Variants in ADGRL3 observed in about 807,000 individuals in gnomAD.
ADGRL3 encodes the protein calcium-independent alpha-latrotoxin receptor 3.
In ADGRL3, 62 loss-of-function variants were observed where a neutral mutation model predicts 153.5. That is an observed-to-expected ratio of 0.40 (90% CI 0.33 to 0.50). The LOEUF is 0.50. Among genes scored for constraint, ADGRL3 ranks in the 20% least tolerant of loss-of-function variants. The pLI, the probability that ADGRL3 is intolerant of heterozygous loss-of-function variation, is 0.47. For missense variants in ADGRL3, 1,641 were observed against 1,859.4 expected (o/e 0.88, Z 2.16); for synonymous variants, 710 against 672.5 (o/e 1.06, Z -0.86).
At chr4:61,514,077 T>C (rs1471195950) in intron 3 of ADGRL3, among the ~76,000 whole-genome samples, 6 of 152,230 alleles carry the variant, frequency 3.9e-5, no homozygotes. Context: ...ATGTGAAAAC[T>C]ATCTTCAAAT....
At chr4:61,887,423 A>G (rs922629163) in intron 9 of ADGRL3, among the ~76,000 whole-genome samples, 21 of 152,140 alleles carry the variant, frequency 1.4e-4, no homozygotes, top group African/African-American at 5.1e-4. Flanking sequence ...TTTAGTTACT[A>G]CTTGTATGAT....
chr4:61,571,465 A>T (rs2098838531), intron 4 of ADGRL3, among the ~76,000 whole-genome samples: 1 of 152,152 alleles, frequency 6.6e-6, no homozygotes, highest in Non-Finnish European at 1.5e-5. Flanking sequence ...GTGAGCTATG[A>T]TTGCACCATG....
At chr4:61,690,159 A>G (rs1274983768) in intron 6 of ADGRL3, among the ~76,000 whole-genome samples, 1 of 152,154 alleles carries the variant, frequency 6.6e-6, no homozygotes, top group African/African-American at 2.4e-5. Flanking sequence ...AGTTGTCTGA[A>G]GTTGGCCAGA....
intron 6 of ADGRL3, among the ~76,000 whole-genome samples, chr4:61,694,224 G>T (rs1038822394): frequency 1.5e-5 from 1 of 65,318 alleles, no homozygotes; most frequent in Non-Finnish European, 3.1e-5. Flanking sequence ...TTTTTTAGAG[G>T]CAGGATCTTG....
chr4:61,582,187 T>A (rs1288026912), intron 4 of ADGRL3, among the ~76,000 whole-genome samples: 1 of 152,068 alleles, frequency 6.6e-6, no homozygotes, highest in African/African-American at 2.4e-5. Context: ...TTCTTTTAAT[T>A]TAATTTTATT....
chr4:61,994,176 C>T (rs1458713596), intron 19 of ADGRL3, among the ~76,000 whole-genome samples: 1 of 152,136 alleles, frequency 6.6e-6, no homozygotes, highest in Non-Finnish European at 1.5e-5. Flanking sequence ...GAGACAAAGC[C>T]TCACTCTGTT....
chr4:61,211,547 G>T (rs1487505999), intron 1 of ADGRL3: 1 of 152,178 alleles, frequency 6.6e-6, no homozygotes, highest in Non-Finnish European at 1.5e-5. Flanking sequence ...TATCTGAATA[G>T]TTATTTAATA....
At chr4:61,570,669 A>G (rs932436408) in intron 4 of ADGRL3, among the ~76,000 whole-genome samples, 2 of 152,194 alleles carry the variant, frequency 1.3e-5, no homozygotes, top group African/African-American at 2.4e-5. Flanking sequence ...ACAATCGGAA[A>G]TTAAGCTCCA....
At chr4:61,266,638 A>G (rs752494213) in intron 1 of ADGRL3, among the ~76,000 whole-genome samples, 2 of 151,832 alleles carry the variant, frequency 1.3e-5, no homozygotes, top group Non-Finnish European at 3.0e-5. Flanking sequence ...TAGCGATACA[A>G]ATTTAATGAC....
chr4:62,033,405 A>G (rs1723248084), intron 23 of ADGRL3, among the ~76,000 whole-genome samples: 1 of 151,780 alleles, frequency 6.6e-6, no homozygotes, highest in Non-Finnish European at 1.5e-5. Context: ...AATGTATTTA[A>G]AGAATAGGAG....
intron 4 of ADGRL3, among the ~76,000 whole-genome samples, chr4:61,560,105 C>A (rs1413133430): frequency 1.3e-5 from 2 of 152,074 alleles, no homozygotes; most frequent in Non-Finnish European, 2.9e-5. Flanking sequence ...ATTAAAGAGA[C>A]CCCTCTTTGC....
At chr4:61,398,339 GAAT>G (rs1223358245) in intron 2 of ADGRL3, among the ~76,000 whole-genome samples, 2 of 151,574 alleles carry the variant, frequency 1.3e-5, no homozygotes, top group Non-Finnish European at 3.0e-5. Context: ...CATGGAGTGA[GAAT>G]GATGAGCCTT....
chr4:61,207,197 CT>C (rs903787763), intron 1 of ADGRL3, among the ~76,000 whole-genome samples: 3 of 152,038 alleles, frequency 2.0e-5, no homozygotes, highest in Non-Finnish European at 4.4e-5. Flanking sequence ...TATCCCTCCC[CT>C]AGCCTCCACC....
At chr4:61,258,821 A>G (rs1187846271) in intron 1 of ADGRL3, among the ~76,000 whole-genome samples, 2 of 152,182 alleles carry the variant, frequency 1.3e-5, no homozygotes, top group African/African-American at 4.8e-5. Flanking sequence ...TCACTCATAT[A>G]TATCACAAAA....
intron 4 of ADGRL3, among the ~76,000 whole-genome samples, chr4:61,576,553 T>G (rs1209289315): frequency 6.7e-6 from 1 of 148,664 alleles, no homozygotes; most frequent in Non-Finnish European, 1.5e-5. Context: ...CAAGTAGAGA[T>G]TCACTGTCTT....
At chr4:61,747,802 C>T (rs1417085168) in intron 8 of ADGRL3, among the ~76,000 whole-genome samples, 8 of 151,332 alleles carry the variant, frequency 5.3e-5, no homozygotes, top group Non-Finnish European at 8.8e-5. Flanking sequence ...TGGCACAAGA[C>T]AGGGATGCCC....
chr4:61,953,275 A>G lies in ADGRL3; in HGVS notation c.2805+4999A>G, dbSNP rs562359635. ...AAAGGAAACAAAATTATATTGGAAA[A>G]TTTTGTTTGAGGAATTTAGAAAGAG... On this transcript the variant is annotated intron_variant, in intron 17 of 26. Transcript: ENST00000683033. Among the ~76,000 whole-genome samples the G allele has an allele frequency of 9.4e-4, 143 of 152,278 alleles. 1 individual carries two copies. The South Asian group carries it at 0.022, about 24-fold the overall frequency.
chr4:61,772,654 T>C (rs930685566), intron 8 of ADGRL3, among the ~76,000 whole-genome samples: 11 of 152,224 alleles, frequency 7.2e-5, no homozygotes, highest in African/African-American at 2.4e-4. Context: ...TAGCAAAGCC[T>C]ATTCATTCTG....
rs1561229474 is a variant in ADGRL3 at position 61,775,767 on chromosome 4, G to A, written c.1400-38042G>A. The A allele has an allele frequency of 6.6e-5, 54 of 819,236 alleles. 1 individual carries two copies. The South Asian group carries it at 7.2e-4, about 11-fold the overall frequency. The allele number at this position is 819,236 out of a possible 1,614,324, so 50.7% of individuals were successfully genotyped here. On this transcript the variant is annotated intron_variant, in intron 8 of 26. Coordinates refer to ENST00000683033, the MANE Select transcript of ADGRL3 (RefSeq NM_001387552.1). ...CATGAATTCCACGTGCTAGGCAATC[G>A]TGGATGAGGGCAGTCTTCAGCACCT...
Sources: gnomAD v4.1 joint callset for allele counts (sites outside exome capture counted in the v4.1 genomes callset) on GRCh38, gnomAD v4.1.1 for gene constraint, MANE v1.5 for transcripts, NCBI Gene and HGNC (gene_info 2026-07-23, HGNC 2026-07-21) for gene names.